TIAM1: variants seen among roughly 807,000 people sequenced by gnomAD.
TIAM1 encodes the protein rho guanine nucleotide exchange factor TIAM1.
In TIAM1, 65 loss-of-function variants were observed where a neutral mutation model predicts 163.5. The observed-to-expected ratio is 0.40, with a 90% CI of 0.33 to 0.49. TIAM1 has a LOEUF of 0.49. Ranked by LOEUF, TIAM1 falls within the 20% of genes least tolerant of loss-of-function variation. The pLI, the probability that TIAM1 is intolerant of heterozygous loss-of-function variation, is 0.77. For missense variants in TIAM1, 1,789 were observed against 2,044.7 expected, an observed-to-expected ratio of 0.87 and a Z score of 2.41; for synonymous variants, 833 against 810.1, an observed-to-expected ratio of 1.03 and a Z score of -0.48.
chr21:31,353,964 A>G (rs1473151203), intron 2 of TIAM1, among the ~76,000 whole-genome samples: 1 of 148,820 alleles, frequency 6.7e-6, no homozygotes, highest in African/African-American at 2.5e-5. Context: ...CAGACTCCCA[A>G]GTAGCTGGAA....
chr21:31,188,634 G>A (rs1407269378), intron 13 of TIAM1, among the ~76,000 whole-genome samples: 1 of 152,152 alleles, frequency 6.6e-6, no homozygotes, highest in East Asian at 1.9e-4. Context: ...GAATGCAGTG[G>A]TGTGATCATA....
At chr21:31,422,010 A>G (rs568319969) in intron 2 of TIAM1, among the ~76,000 whole-genome samples, 1 of 152,232 alleles carries the variant, frequency 6.6e-6, no homozygotes. Flanking sequence ...GATAGGTGAC[A>G]GAATGACCCT....
intron 1 of TIAM1, among the ~76,000 whole-genome samples, chr21:31,544,181 C>T (rs534193615): frequency 4.6e-5 from 7 of 151,194 alleles, no homozygotes; most frequent in South Asian, 2.1e-4. Context: ...GCACTCCAGC[C>T]AGGGGGGCAG....
intron 2 of TIAM1, among the ~76,000 whole-genome samples, chr21:31,295,356 A>G (rs113212171): frequency 0.022 from 3,354 of 150,814 alleles, 67 homozygotes; most frequent in African/African-American, 0.046. Flanking sequence ...TGTAGTCCCA[A>G]CTACTCAGGA....
intron 2 of TIAM1, among the ~76,000 whole-genome samples, chr21:31,402,010 C>G (rs561715594): frequency 7.9e-5 from 12 of 151,850 alleles, no homozygotes; most frequent in Non-Finnish European, 1.6e-4. Context: ...GTCAGGAGAT[C>G]GACATCATCC....
At position 31,279,126 on chromosome 21, in the gene TIAM1, TATAA is replaced by T. The variant is rs534750547; in HGVS notation, c.-188-2222_-188-2219del. ...CTTCTAGTCCCTGAACAAAAAAATA[TATAA>T]ATAAATAAATAAACAAAAAAAAACT... On this transcript the variant is annotated intron_variant, in intron 2 of 27. Transcript: ENST00000541036. 3.8e-3 allele frequency among the ~76,000 whole-genome samples: 578 copies of T among 151,814 alleles called. 6 individuals are homozygous for T. The highest frequency in any genetic ancestry group is 0.01 in the Middle Eastern group (3 of 294).
intron 2 of TIAM1, among the ~76,000 whole-genome samples, chr21:31,310,656 G>A (rs1481120440): frequency 2.0e-5 from 3 of 152,160 alleles, no homozygotes; most frequent in Admixed American, 2.0e-4. Flanking sequence ...CTGCCTTTCA[G>A]ACGCAGAAGG....
intron 4 of TIAM1, among the ~76,000 whole-genome samples, chr21:31,256,962 T>C (rs1015023657): frequency 6.6e-6 from 1 of 152,158 alleles, no homozygotes; most frequent in Non-Finnish European, 1.5e-5. Context: ...TGAACTCAGT[T>C]GCTAACTTCC....
intron 15 of TIAM1, among the ~76,000 whole-genome samples, chr21:31,173,045 T>G (rs1007111448): frequency 4.6e-5 from 7 of 152,186 alleles, no homozygotes; most frequent in African/African-American, 1.4e-4. Flanking sequence ...ACGAGGAGAT[T>G]TGGGGAAGTA....
At chr21:31,288,243 A>G (rs954214196) in intron 2 of TIAM1, among the ~76,000 whole-genome samples, 1 of 152,188 alleles carries the variant, frequency 6.6e-6, no homozygotes, top group Non-Finnish European at 1.5e-5. Flanking sequence ...CAGTTAAAAA[A>G]CAAAAACAAA....
At chr21:31,189,896 A>T (rs2085472693) in intron 13 of TIAM1, among the ~76,000 whole-genome samples, 1 of 152,224 alleles carries the variant, frequency 6.6e-6, no homozygotes, top group Admixed American at 6.5e-5. Flanking sequence ...GCAAAGTCAG[A>T]TCTATTTCTT....
At chr21:31,536,500 C>A (rs1195834089) in intron 1 of TIAM1, among the ~76,000 whole-genome samples, 2 of 152,188 alleles carry the variant, frequency 1.3e-5, no homozygotes, top group Non-Finnish European at 2.9e-5. Flanking sequence ...CAGCCGGGAC[C>A]CACTAGAGAT....
At chr21:31,160,355 A>G (rs2146347768) in intron 16 of TIAM1, 1 of 398,258 alleles carries the variant, frequency 2.5e-6, no homozygotes, top group Middle Eastern at 6.3e-4. Flanking sequence ...AGGTGTAATC[A>G]CTGTCATTCG....
intron 11 of TIAM1, among the ~76,000 whole-genome samples, chr21:31,208,871 T>G (rs1009957112): frequency 2.6e-5 from 4 of 152,224 alleles, no homozygotes; most frequent in African/African-American, 9.6e-5. Context: ...TTACAAACAT[T>G]GTGTTGAATG....
chr21:31,259,647 T>C (rs553860988), intron 4 of TIAM1, among the ~76,000 whole-genome samples: 29 of 150,380 alleles, frequency 1.9e-4, no homozygotes, highest in Non-Finnish European at 2.4e-4. Context: ...ATAATAATAA[T>C]AATAATAATC....
intron 1 of TIAM1, among the ~76,000 whole-genome samples, chr21:31,470,457 C>T (rs1395336182): frequency 6.6e-6 from 1 of 152,144 alleles, no homozygotes; most frequent in Admixed American, 6.6e-5. Context: ...CCTCAGCCTC[C>T]CAAGTAGCTG....
rs530754269 is a variant in TIAM1 at position 31,165,043 on chromosome 21, C to T, written c.2910G>A (p.Gln970=). 6.2e-7 allele frequency: 1 copy of T among 1,614,082 alleles called. No homozygotes were observed. Among genetic ancestry groups the T allele is most frequent in the African/African-American group, 1.3e-5 (1 of 75,048 alleles). The change falls in exon 16 of 28, where the codon CAG becomes CAA. Residue 970 remains glutamine (Q), a synonymous_variant. Transcript: ENST00000541036. ...CTGGAGCGGTCTCAGCACTGCTGCC[C>T]TGCTCGCTGCAAAGGCTGTGCCCTG... is the stretch of plus-strand genomic sequence containing the variant. ...SNPGHSLCSE[Q]GSSAETAPEE...
At chr21:31,368,740 G>A (rs1176328721) in intron 2 of TIAM1, among the ~76,000 whole-genome samples, 1 of 152,238 alleles carries the variant, frequency 6.6e-6, no homozygotes, top group Non-Finnish European at 1.5e-5. Flanking sequence ...ATAATGATAA[G>A]CTACATAGAG....
intron 2 of TIAM1, among the ~76,000 whole-genome samples, chr21:31,285,112 A>G (rs925764725): frequency 3.9e-5 from 6 of 152,194 alleles, no homozygotes; most frequent in Non-Finnish European, 8.8e-5. Flanking sequence ...CAGTCAGGAT[A>G]TCAAGAGGTC....
Sources: allele counts gnomAD v4.1 joint callset (sites outside exome capture counted in the v4.1 genomes callset), GRCh38; gene constraint gnomAD v4.1.1; transcripts MANE v1.5; gene names NCBI Gene and HGNC (gene_info 2026-07-23, HGNC 2026-07-21).